Variants in GNAS observed in about 807,000 individuals in gnomAD.
GNAS encodes GNAS complex locus.
A neutral mutation model predicts 54.5 loss-of-function variants in GNAS; 8 were observed. That is an observed-to-expected ratio of 0.15 (90% confidence interval 0.09 to 0.26). The LOEUF (loss-of-function observed/expected upper bound fraction) is 0.26, where lower values mean the gene tolerates loss of function less well. GNAS is among the 10% of genes least tolerant of loss of function. The pLI, the probability that GNAS is intolerant of heterozygous loss-of-function variation, is 1.00. For missense variants in GNAS, 170 were observed against 529.8 expected (o/e 0.32, Z 6.67); for synonymous variants, 204 against 191.4 (o/e 1.07, Z -0.54).
At position 58,841,535 on chromosome 20, in the gene GNAS, G is replaced by A. The variant is rs900259614; in HGVS notation, c.43+649G>A. ...CTCCGCGCCAGTGCCTCCAGCTGCC[G>A]TGCGCCAGCCTTGGCCGCCACAGCC... On this transcript the variant is annotated intron_variant, in intron 1 of 12. Coordinates refer to the GNAS transcript ENST00000306090. The surrounding 1 kb of genome is among the most constrained non-coding windows in gnomAD (Gnocchi z 5.0). The A allele has an allele frequency of 2.6e-5, 26 of 995,176 alleles. No homozygotes were observed. Among genetic ancestry groups the A allele is most frequent in the Admixed American group, 1.2e-4 (2 of 16,592 alleles). 61.6% of individuals were successfully genotyped at this position (995,176 alleles called of 1,614,324 possible).
At chr20:58,867,245 T>C (rs759959788) in intron 1 of GNAS, among the ~76,000 whole-genome samples, 1 of 152,208 alleles carries the variant, frequency 6.6e-6, no homozygotes, top group Non-Finnish European at 1.5e-5. Flanking sequence ...TTTTAAAAGT[T>C]GGATTGCCAG....
At chr20:58,902,290 G>A (rs1470870857) in intron 3 of GNAS, among the ~76,000 whole-genome samples, 2 of 152,160 alleles carry the variant, frequency 1.3e-5, no homozygotes, top group Non-Finnish European at 2.9e-5. Flanking sequence ...CTCCACACAA[G>A]AGGCCTTTTC....
Position 58,895,746 on chromosome 20 carries a change from T to C in GNAS, c.212+62T>C, listed in dbSNP as rs28763888. On this transcript the variant is annotated intron_variant, in intron 2 of 12. Transcript: ENST00000371085. ...GAGGAACAGACTTTATACTAACCTTTAGGAAGTATAGGTGGGCTTTGGGGG... is the reference window on the plus strand; with the variant it reads ...GAGGAACAGACTTTATACTAACCTTCAGGAAGTATAGGTGGGCTTTGGGGG... The C allele has an allele frequency of 7.2e-4, 691 of 954,534 alleles. 1 individual carries two copies. In the East Asian group the frequency reaches 0.015, roughly 21 times the overall value. The allele number at this position is 954,534 out of a possible 1,614,324, so 59.1% of individuals were successfully genotyped here. A position where few individuals can be genotyped will look rare whatever the true frequency, so the allele number is the denominator to read the frequency against.
intron 6 of GNAS, among the ~76,000 whole-genome samples, chr20:58,907,430 A>G (rs908389712): frequency 6.6e-6 from 1 of 152,224 alleles, no homozygotes; most frequent in African/African-American, 2.4e-5. Context: ...CGCAAAACAA[A>G]TGGAAATCCT....
At chr20:58,876,939 C>T (rs1568953519) in intron 1 of GNAS, 2 of 152,352 alleles carry the variant, frequency 1.3e-5, no homozygotes, top group African/African-American at 4.8e-5. Flanking sequence ...TTGATTTTCT[C>T]CCCACCCTCG....
rs763875722 is a variant in GNAS, at chr20:58,909,460, A to G, written c.659+37A>G. ...GTTACCTTTTTATATAACAGAGATCATGGTTTCTTGACATTCACCCCAGTC... is the reference window on the plus strand; with the variant it reads ...GTTACCTTTTTATATAACAGAGATCGTGGTTTCTTGACATTCACCCCAGTC... On this transcript the variant is annotated intron_variant, in intron 8 of 12. Transcript: ENST00000371085. The surrounding 1 kb of genome is among the most constrained non-coding windows in gnomAD (Gnocchi z 7.3). 4 of 1,610,056 alleles carry G rather than the reference A, an allele frequency of 2.5e-6. No homozygotes were observed. Among genetic ancestry groups the G allele is most frequent in the Non-Finnish European group, 3.4e-6 (4 of 1,176,286 alleles).
chr20:58,903,848 A>AT (rs1182509487), intron 5 of GNAS, 57 bp downstream of exon 5: 4 of 1,596,236 alleles, frequency 2.5e-6, no homozygotes, highest in Non-Finnish European at 3.4e-6. Flanking sequence ...CACAGTGTCC[A>AT]TATAGGAACA....
rs555530713 is a variant in GNAS at position 58,859,890 on chromosome 20, C to A, written c.43+19004C>A. Reference sequence around the variant, plus strand: ...CCGCCCGCCTCAGCCTCCCAAAGTTCTGGGATTACAGGCATGAGCCATCGC... The same window carrying A: ...CCGCCCGCCTCAGCCTCCCAAAGTTATGGGATTACAGGCATGAGCCATCGC... On this transcript the variant is annotated intron_variant, in intron 1 of 12. Coordinates refer to the GNAS transcript ENST00000306090. 4.1e-4 allele frequency among the ~76,000 whole-genome samples: 62 copies of A among 152,312 alleles called. 1 individual carries two copies. Among genetic ancestry groups the A allele is most frequent in the African/African-American group, 1.4e-3 (60 of 41,560 alleles).
At chr20:58,893,062 G>A (rs1402010322) in intron 1 of GNAS, among the ~76,000 whole-genome samples, 1 of 111,492 alleles carries the variant, frequency 9.0e-6, no homozygotes, top group Non-Finnish European at 1.8e-5. Context: ...AAATGGCGTG[G>A]TTTCTTTTTT....
At chr20:58,908,949 A>AT in intron 6 of GNAS, 2 of 690,118 alleles carry the variant, frequency 2.9e-6, no homozygotes, top group Non-Finnish European at 5.3e-6. Flanking sequence ...TCCTAAAATT[A>AT]TTTATCTTAA....
At chr20:58,850,657 C>G in intron 1 of GNAS, 2 of 399,314 alleles carry the variant, frequency 5.0e-6, no homozygotes, top group Non-Finnish European at 8.8e-6. Context: ...TCTTCTTGCT[C>G]CTCACCTTGC....
intron 1 of GNAS, among the ~76,000 whole-genome samples, chr20:58,872,112 CG>C (rs1303647531): frequency 1.3e-5 from 2 of 152,194 alleles, no homozygotes; most frequent in Non-Finnish European, 2.9e-5. Flanking sequence ...TGTGCCAAGA[CG>C]GGGGCCACCA....
chr20:58,895,973 G>A (rs2090008273), intron 2 of GNAS, among the ~76,000 whole-genome samples: 1 of 152,082 alleles, frequency 6.6e-6, no homozygotes, highest in Non-Finnish European at 1.5e-5. Flanking sequence ...GACAGCACTT[G>A]GCCCCGTGAC....
At chr20:58,847,935 A>G (rs931551019) in intron 1 of GNAS, among the ~76,000 whole-genome samples, 1 of 152,212 alleles carries the variant, frequency 6.6e-6, no homozygotes, top group Admixed American at 6.5e-5. Flanking sequence ...GCATCAATAG[A>G]GAGGTGAGAC....
intron 1 of GNAS, chr20:58,884,775 T>TA (rs2088476422): frequency 6.6e-6 from 1 of 152,220 alleles, no homozygotes. Flanking sequence ...GCAAAACTCT[T>TA]AAATATTTTT....
At chr20:58,891,985 C>T in intron 1 of GNAS, 120 bp downstream of exon 1, 1 of 754,810 alleles carries the variant, frequency 1.3e-6, no homozygotes, top group African/African-American at 1.9e-5. Flanking sequence ...CCCGCCCGTT[C>T]GCGGGCTCTG....
rs550172967 is a variant in GNAS, at chr20:58,850,810, G to A, written c.43+9924G>A. 712 of 398,798 alleles carry A rather than the reference G, an allele frequency of 1.8e-3. No individual in the cohort carries two copies. Among genetic ancestry groups the A allele is most frequent in the South Asian group, 2.9e-3 (23 of 7,864 alleles). The allele number at this position is 398,798 out of a possible 1,614,324, so 24.7% of individuals were successfully genotyped here. On this transcript the variant is annotated intron_variant, in intron 1 of 12. Coordinates refer to the GNAS transcript ENST00000306090. ...ACCCCACGGCGCTAGCGGTCCTCGT[G>A]GTCTTCCAGGCCTAGCCGCCATACA... is the stretch of plus-strand genomic sequence containing the variant.
chr20:58,854,016 G>T (rs747005037), intron 1 of GNAS: 1 of 1,611,460 alleles, frequency 6.2e-7, no homozygotes, highest in African/African-American at 1.3e-5. Context: ...ACAAGTCGAC[G>T]GCAGCAGCCA....
chr20:58,903,421 T>C, intron 3 of GNAS, 110 bp from the exon 4 acceptor site: 1 of 937,908 alleles, frequency 1.1e-6, no homozygotes, highest in Middle Eastern at 2.2e-4. Context: ...AACCCACAAC[T>C]CCCTGAAGAA....
Sources: gnomAD v4.1 joint callset for allele counts (sites outside exome capture counted in the v4.1 genomes callset) on GRCh38, gnomAD v4.1.1 for gene constraint, Gnocchi (gnomAD v3.1) non-coding constraint, MANE v1.5 for transcripts, NCBI Gene and HGNC (gene_info 2026-07-23, HGNC 2026-07-21) for gene names.